TMX4: variants seen among roughly 807,000 people sequenced by gnomAD.
TMX4 encodes thioredoxin related transmembrane protein 4.
A neutral mutation model predicts 33.3 loss-of-function variants in TMX4; 23 were observed. That is an observed-to-expected ratio of 0.69 (90% confidence interval 0.50 to 0.98). The LOEUF (loss-of-function observed/expected upper bound fraction) is 0.98, where lower values mean the gene tolerates loss of function less well. TMX4 is among the 50% of genes least tolerant of loss of function. The pLI is 0.00. For synonymous variants in TMX4, 164 were observed against 161.5 expected (o/e 1.02, Z -0.12); for missense variants, 399 against 448.9 (o/e 0.89, Z 1.01).
At chr20:8,011,297 A>G (rs2050751997) in intron 1 of TMX4, among the ~76,000 whole-genome samples, 1 of 152,056 alleles carries the variant, frequency 6.6e-6, no homozygotes, top group South Asian at 2.1e-4. Context: ...AATGCCTGCC[A>G]ATAGAATATA....
intron 2 of TMX4, among the ~76,000 whole-genome samples, chr20:8,002,327 C>T (rs981272572): frequency 1.3e-5 from 2 of 152,062 alleles, no homozygotes; most frequent in African/African-American, 4.8e-5. Flanking sequence ...TCTCACAGAG[C>T]TTATAGTCTA....
At chr20:8,017,719 T>C (rs1252326203) in intron 1 of TMX4, among the ~76,000 whole-genome samples, 5 of 152,220 alleles carry the variant, frequency 3.3e-5, no homozygotes, top group African/African-American at 1.2e-4. Context: ...AAAAGAGAAC[T>C]TTCTGTAGTA....
intron 3 of TMX4, among the ~76,000 whole-genome samples, chr20:8,000,869 ACCT>A (rs1186832744): frequency 6.6e-6 from 1 of 151,752 alleles, no homozygotes; most frequent in African/African-American, 2.4e-5. Flanking sequence ...TATCTTCCAA[ACCT>A]CCTCTTATTT....
At chr20:7,997,854 G>A (rs2050683356) in intron 4 of TMX4, among the ~76,000 whole-genome samples, 1 of 152,104 alleles carries the variant, frequency 6.6e-6, no homozygotes, top group African/African-American at 2.4e-5. Context: ...CTGGAGGTGG[G>A]GTCTGGTGGA....
In TMX4 at chr20:7,996,260, A is replaced by G. The variant is rs565751641; in HGVS notation, c.468-189T>C. On this transcript the variant is annotated intron_variant, in intron 4 of 7. Coordinates refer to ENST00000246024, the MANE Select transcript of TMX4 (RefSeq NM_021156.4). ...ATTTGAATCACTCTGCTGTAAATCTATTCCAACTCCTTGGCCCTTTCTCCT... is the reference window on the plus strand; with the variant it reads ...ATTTGAATCACTCTGCTGTAAATCTGTTCCAACTCCTTGGCCCTTTCTCCT... Among the ~76,000 whole-genome samples, 5 of 152,244 alleles carry G rather than the reference A, an allele frequency of 3.3e-5. No homozygotes were observed. In the South Asian group the frequency reaches 6.2e-4, roughly 19 times the overall value.
chr20:8,010,174 C>T (rs760241392), intron 2 of TMX4, 26 bp downstream of exon 2: 2 of 1,549,718 alleles, frequency 1.3e-6, no homozygotes, highest in Admixed American at 1.8e-5. Context: ...TAAACTTTTG[C>T]ATTTTATGTG....
At chr20:8,008,310 AG>A (rs2050738809) in intron 2 of TMX4, among the ~76,000 whole-genome samples, 1 of 152,128 alleles carries the variant, frequency 6.6e-6, no homozygotes, top group Admixed American at 6.6e-5. Flanking sequence ...ATCTTTTATT[AG>A]ACTTTGTTTT....
rs1018213502 is a variant in TMX4, at chr20:8,008,059, G to A, written c.292+2141C>T. Among the ~76,000 whole-genome samples the A allele has an allele frequency of 2.6e-5, 4 of 152,136 alleles. No homozygotes were observed. The East Asian group carries it at 5.8e-4, about 22-fold the overall frequency. On this transcript the variant is annotated intron_variant, in intron 2 of 7. Transcript: ENST00000246024. The stretch of plus-strand genomic sequence containing the variant: ...ACTCAAATACTTGTTGAATAAACAC[G>A]TTACTTCTAATCGCTATTAAAAGAT...
intron 7 of TMX4, 81 bp from the exon 8 acceptor site, chr20:7,982,702 T>TA: frequency 2.1e-6 from 3 of 1,437,242 alleles, no homozygotes; most frequent in Non-Finnish European, 2.8e-6. Flanking sequence ...AGCTGTGAAA[T>TA]AAAAATAGAG....
At chr20:7,999,888 C>A (rs1429367170) in intron 3 of TMX4, 28 bp from the exon 4 acceptor site, 2 of 1,592,140 alleles carry the variant, frequency 1.3e-6, no homozygotes, top group South Asian at 1.2e-5. Context: ...AAGTAGAAAG[C>A]AAATGCATTA....
intron 1 of TMX4, among the ~76,000 whole-genome samples, chr20:8,010,570 C>T (rs1226108532): frequency 2.0e-5 from 3 of 152,042 alleles, no homozygotes; most frequent in South Asian, 2.1e-4. Context: ...TATCCATAAA[C>T]ATTTTATTTC....
At chr20:8,009,755 TG>T (rs2050744566) in intron 2 of TMX4, among the ~76,000 whole-genome samples, 1 of 150,990 alleles carries the variant, frequency 6.6e-6, no homozygotes, top group African/African-American at 2.4e-5. Flanking sequence ...AGAATATCAA[TG>T]TCATTTTAAA....
At chr20:8,008,674 T>C (rs1168084277) in intron 2 of TMX4, among the ~76,000 whole-genome samples, 1 of 152,194 alleles carries the variant, frequency 6.6e-6, no homozygotes, top group Non-Finnish European at 1.5e-5. Flanking sequence ...AAACCCATCA[T>C]AAAATGTGCA....
chr20:8,006,715 C>A (rs1222097378), intron 2 of TMX4, among the ~76,000 whole-genome samples: 2 of 151,554 alleles, frequency 1.3e-5, no homozygotes, highest in African/African-American at 4.9e-5. Flanking sequence ...ATCTCACTAA[C>A]TTCTCATAGG....
rs2050607349 is a variant in TMX4, at chr20:7,981,827, T to C, written c.*424A>G. ...TTTCCTGCAATTTGACAAAAATAAA[T>C]ACTTTACACAAGAAAAGGATGCAAG... On this transcript the variant is annotated 3_prime_UTR_variant, in exon 8 of 8. Transcript: ENST00000246024. 6.2e-6 allele frequency: 1 copy of C among 160,706 alleles called. No individual in the cohort carries two copies. Among genetic ancestry groups the C allele is most frequent in the African/African-American group, 2.4e-5 (1 of 41,584 alleles). 10.0% of individuals were successfully genotyped at this position (160,706 alleles called of 1,614,324 possible). A position where few individuals can be genotyped will look rare whatever the true frequency, so the allele number is the denominator to read the frequency against.
chr20:7,989,117 A>C (rs1479784271), intron 5 of TMX4, among the ~76,000 whole-genome samples: 2 of 152,162 alleles, frequency 1.3e-5, no homozygotes, highest in African/African-American at 4.8e-5. Context: ...ACTCTTTTCA[A>C]AGAAAGTTTT....
intron 1 of TMX4, among the ~76,000 whole-genome samples, chr20:8,012,551 G>C (rs907422457): frequency 5.3e-5 from 8 of 152,044 alleles, no homozygotes; most frequent in African/African-American, 1.9e-4. Flanking sequence ...AACATTCAGA[G>C]GGAGAAAGAA....
chr20:7,995,578 C>T lies in TMX4; in HGVS notation c.513+448G>A, dbSNP rs117369800. Among the ~76,000 whole-genome samples the T allele has an allele frequency of 8.5e-4, 129 of 152,164 alleles. 1 individual carries two copies. The East Asian group carries it at 0.023, about 28-fold the overall frequency. On this transcript the variant is annotated intron_variant, in intron 5 of 7. Coordinates refer to ENST00000246024, the MANE Select transcript of TMX4 (RefSeq NM_021156.4). ...ATTGTAGCATGAAAGCAGTCATAGACAATAGGTAATGAATAAATGTAGCTG... is the reference window on the plus strand; with the variant it reads ...ATTGTAGCATGAAAGCAGTCATAGATAATAGGTAATGAATAAATGTAGCTG...
intron 1 of TMX4, among the ~76,000 whole-genome samples, chr20:8,014,827 G>T (rs1019554968): frequency 6.6e-6 from 1 of 152,180 alleles, no homozygotes; most frequent in African/African-American, 2.4e-5. Flanking sequence ...ACCCTCATGT[G>T]AGTCAGGGTG....
Sources: allele counts gnomAD v4.1 joint callset (sites outside exome capture counted in the v4.1 genomes callset), GRCh38; gene constraint gnomAD v4.1.1; transcripts MANE v1.5; gene names NCBI Gene and HGNC (gene_info 2026-07-23, HGNC 2026-07-21).